KIF14: variants seen among roughly 807,000 people sequenced by gnomAD.
KIF14 encodes kinesin-like protein KIF14.
In KIF14, 98 loss-of-function variants were observed where a neutral mutation model predicts 176.2. The observed-to-expected ratio is 0.56, with a 90% CI of 0.47 to 0.66. The LOEUF (loss-of-function observed/expected upper bound fraction) is 0.66. Ranked by LOEUF, KIF14 falls within the 30% of genes least tolerant of loss-of-function variation. The probability of loss-of-function intolerance (pLI) is 0.00; values close to 1 mark genes in which losing one functional copy is unlikely to be tolerated. For synonymous variants in KIF14, 566 were observed against 632.2 expected, an observed-to-expected ratio of 0.90 and a Z score of 1.57; for missense variants, 1,751 against 1,920.4, an observed-to-expected ratio of 0.91 and a Z score of 1.65.
chr1:200,582,816 C>T (rs1658535702), intron 19 of KIF14, among the ~76,000 whole-genome samples: 1 of 151,358 alleles, frequency 6.6e-6, no homozygotes, highest in Admixed American at 6.6e-5. Flanking sequence ...CGCTACTGCA[C>T]TCCAATGCAC....
At chr1:200,608,708 A>C in intron 5 of KIF14, 122 bp downstream of exon 5, 1 of 634,988 alleles carries the variant, frequency 1.6e-6, no homozygotes, top group East Asian at 2.8e-5. Flanking sequence ...CTGTAGATCC[A>C]AGCATTTGCT....
At chr1:200,591,553 T>C (rs1659051942) in intron 16 of KIF14, among the ~76,000 whole-genome samples, 1 of 152,244 alleles carries the variant, frequency 6.6e-6, no homozygotes, top group Admixed American at 6.5e-5. Flanking sequence ...CTTACAAGGA[T>C]ACTACTTATG....
intron 11 of KIF14, among the ~76,000 whole-genome samples, chr1:200,600,993 C>T (rs534275686): frequency 9.9e-5 from 15 of 152,240 alleles, no homozygotes; most frequent in African/African-American, 2.9e-4. Flanking sequence ...AGCAATTCTC[C>T]TGCCTCAGCT....
Position 200,589,214 on chromosome 1 carries a change from T to A in KIF14, c.3114+3A>T. On this transcript the variant is annotated splice_donor_region_variant and intron_variant, in intron 18 of 29. Transcript: ENST00000367350. Reference sequence around the variant, plus strand: ...GAGTTAACTGGTTACACAATAAAATTACCTGTTTTGTAGCCAATGTTTCCA... The same window carrying A: ...GAGTTAACTGGTTACACAATAAAATAACCTGTTTTGTAGCCAATGTTTCCA... The A allele has an allele frequency of 6.3e-7, 1 of 1,593,416 alleles. No homozygotes were observed. The highest frequency in any genetic ancestry group is 8.5e-7 in the Non-Finnish European group (1 of 1,170,608).
intron 4 of KIF14, among the ~76,000 whole-genome samples, chr1:200,612,753 G>A (rs1239903601): frequency 6.6e-6 from 1 of 151,940 alleles, no homozygotes; most frequent in Non-Finnish European, 1.5e-5. Flanking sequence ...TAATCTGGTT[G>A]TCCAACCAGA....
intron 8 of KIF14, among the ~76,000 whole-genome samples, chr1:200,604,193 A>T (rs377686537): frequency 1.3e-5 from 2 of 152,132 alleles, no homozygotes; most frequent in African/African-American, 2.4e-5. Flanking sequence ...CAGGCTCCCA[A>T]GTAGCTGGGA....
At position 200,562,661 on chromosome 1, in the gene KIF14, G is replaced by A. The variant is rs571040944; in HGVS notation, c.4072-1781C>T. 9.2e-5 allele frequency among the ~76,000 whole-genome samples: 14 copies of A among 152,124 alleles called. No individual in the cohort carries two copies. The South Asian group carries it at 1.7e-3, about 18-fold the overall frequency. ...GGCTCAAACTTAAGTCAGACCCTTCGCTTCTGGCTCTCTAGCTTTGCTCTC... is the reference window on the plus strand; with the variant it reads ...GGCTCAAACTTAAGTCAGACCCTTCACTTCTGGCTCTCTAGCTTTGCTCTC... On this transcript the variant is annotated intron_variant, in intron 25 of 29. Coordinates refer to ENST00000367350, the MANE Select transcript of KIF14 (RefSeq NM_014875.3).
At position 200,561,229 on chromosome 1, in the gene KIF14, T is replaced by TAAAAAAA. The variant is rs10643609; in HGVS notation, c.4072-356_4072-350dup. ...GGGGTGACAGAGTAAGACTCCATCTTAAAAAAAAAAAAAAAGAAAAAGAAA... is the reference window on the plus strand; with the variant it reads ...GGGGTGACAGAGTAAGACTCCATCTTAAAAAAAAAAAAAAAAAAAAAAGAAAAAGAAA... On this transcript the variant is annotated intron_variant, in intron 25 of 29. Coordinates refer to ENST00000367350, the MANE Select transcript of KIF14 (RefSeq NM_014875.3). Among the ~76,000 whole-genome samples, 4 of 128,074 alleles carry TAAAAAAA rather than the reference T, an allele frequency of 3.1e-5. 1 individual carries two copies. The highest frequency in any genetic ancestry group is 4.8e-5 in the Non-Finnish European group (3 of 62,638). The allele number at this position is 128,074 out of a possible 152,430, so 84.0% of individuals were successfully genotyped here.
At chr1:200,571,779 GA>G (rs959185801) in intron 22 of KIF14, among the ~76,000 whole-genome samples, 2 of 151,956 alleles carry the variant, frequency 1.3e-5, no homozygotes, top group Non-Finnish European at 2.9e-5. Context: ...ACTTAGGGGT[GA>G]AAAAAAGTAT....
intron 10 of KIF14, among the ~76,000 whole-genome samples, chr1:200,602,747 A>G (rs561395235): frequency 2.1e-3 from 315 of 152,338 alleles, no homozygotes; most frequent in African/African-American, 6.8e-3. Context: ...AAAATTAAAT[A>G]TACATTCACT....
At chr1:200,564,977 C>A (rs1189884628) in intron 25 of KIF14, 92 bp downstream of exon 25, 9 of 948,158 alleles carry the variant, frequency 9.5e-6, no homozygotes, top group Non-Finnish European at 1.3e-5. Context: ...GAAAATCATA[C>A]AGAGCTAATT....
At chr1:200,593,543 G>A in intron 15 of KIF14, 124 bp downstream of exon 15, 2 of 688,948 alleles carry the variant, frequency 2.9e-6, no homozygotes, top group Non-Finnish European at 5.0e-6. Context: ...AAGAATTTTT[G>A]AAATGAAAAA....
rs1659076695 is a variant in KIF14 at position 200,591,965 on chromosome 1, A to G, written c.2813+115T>C. On this transcript the variant is annotated intron_variant, in intron 16 of 29. Transcript: ENST00000367350. The stretch of plus-strand genomic sequence containing the variant: ...AATGAATGTACTAAGAGAAAAAATT[A>G]TATCACTAGAAACCAGCACCCAAAG... 7 of 812,204 alleles carry G rather than the reference A, an allele frequency of 8.6e-6. No individual in the cohort carries two copies. In the South Asian group the frequency reaches 1.2e-4, roughly 14 times the overall value. The allele number at this position is 812,204 out of a possible 1,614,324, so 50.3% of individuals were successfully genotyped here.
chr1:200,600,644 A>T (rs559962615), intron 11 of KIF14, 141 bp from the exon 12 acceptor site: 9 of 633,764 alleles, frequency 1.4e-5, no homozygotes, highest in Middle Eastern at 4.2e-4. Flanking sequence ...TGGAGAAATC[A>T]GCTCTACTTT....
intron 24 of KIF14, 35 bp downstream of exon 24, chr1:200,565,397 AGAAAATAATCATT>A (rs756326674): frequency 1.4e-6 from 2 of 1,478,904 alleles, no homozygotes; most frequent in Admixed American, 4.2e-5. Flanking sequence ...TGCAATGTGC[AGAAAATAATCATT>A]TATGTGAGTT....
At chr1:200,603,147 A>G (rs1659706532) in intron 10 of KIF14, 79 bp downstream of exon 10, 1 of 827,960 alleles carries the variant, frequency 1.2e-6, no homozygotes, top group Non-Finnish European at 1.9e-6. Flanking sequence ...CCCAAAGTTA[A>G]TGAAGTCAGT....
At chr1:200,554,416 G>A in intron 29 of KIF14, 52 bp downstream of exon 29, 2 of 1,237,158 alleles carry the variant, frequency 1.6e-6, no homozygotes, top group East Asian at 2.5e-5. Context: ...AGATGTCTAA[G>A]GTTCCTTAAA....
At position 200,552,943 on chromosome 1, in the gene KIF14, ATTTATTTATTTATT is replaced by A. The variant is rs1303811583; in HGVS notation, c.*431_*444del. On this transcript the variant is annotated 3_prime_UTR_variant, in exon 30 of 30. Coordinates refer to ENST00000367350, the MANE Select transcript of KIF14 (RefSeq NM_014875.3). ...TATTTATTTATTTATTTATTTATTTATTTATTTATTTATTTATTTTGACTAAGTCTCGTTCTGTT... is the reference window on the plus strand; with the variant it reads ...TATTTATTTATTTATTTATTTATTTATATTTTGACTAAGTCTCGTTCTGTT... 18 of 135,430 alleles carry A rather than the reference ATTTATTTATTTATT, an allele frequency of 1.3e-4. No homozygotes were observed. Among genetic ancestry groups the A allele is most frequent in the African/African-American group, 4.0e-4 (15 of 37,720 alleles). The allele number at this position is 135,430 out of a possible 1,614,324, so 8.4% of individuals were successfully genotyped here. A position where few individuals can be genotyped will look rare whatever the true frequency, so the allele number is the denominator to read the frequency against.
At position 200,607,709 on chromosome 1, in the gene KIF14, CT is replaced by C. The variant is rs1439401669; in HGVS notation, c.1555-912del. Among the ~76,000 whole-genome samples the C allele has an allele frequency of 2.0e-5, 3 of 151,912 alleles. No homozygotes were observed. In the East Asian group the frequency reaches 5.8e-4, roughly 30 times the overall value. ...GCAAGTGAAGAAGACAGCTGACTTCCTTTTTTTTCTTGAAATGGAGTCTTGC... is the reference window on the plus strand; with the variant it reads ...GCAAGTGAAGAAGACAGCTGACTTCCTTTTTTTCTTGAAATGGAGTCTTGC... On this transcript the variant is annotated intron_variant, in intron 5 of 29. Coordinates refer to ENST00000367350, the MANE Select transcript of KIF14 (RefSeq NM_014875.3).
Sources: allele counts gnomAD v4.1 joint callset (sites outside exome capture counted in the v4.1 genomes callset), GRCh38; gene constraint gnomAD v4.1.1; transcripts MANE v1.5; gene names NCBI Gene and HGNC (gene_info 2026-07-23, HGNC 2026-07-21).